Variants in BCAS3 observed in about 807,000 individuals in gnomAD.
The protein encoded by BCAS3 is BCAS4/BCAS3 fusion.
A neutral mutation model predicts 116.1 loss-of-function variants in BCAS3; 53 were observed. The ratio of observed to expected loss-of-function variants is 0.46; its 90% CI spans 0.37 to 0.57. BCAS3 has a LOEUF of 0.57. Among genes scored for constraint, BCAS3 ranks in the 20% least tolerant of loss-of-function variants. BCAS3 has a pLI of 0.00. For missense variants in BCAS3, 917 were observed against 1,165.4 expected, an observed-to-expected ratio of 0.79 and a Z score of 3.10; for synonymous variants, 391 against 408.2, an observed-to-expected ratio of 0.96 and a Z score of 0.51.
Position 61,089,679 on chromosome 17 carries a change from C to T in BCAS3, c.2425+5115C>T, listed in dbSNP as rs544022989. Among the ~76,000 whole-genome samples, 33 of 151,596 alleles carry T rather than the reference C, an allele frequency of 2.2e-4. No individual in the cohort carries two copies. The South Asian group carries it at 5.4e-3, about 25-fold the overall frequency. ...CAAGTAGCTGGAATTAACAGGCACG[C>T]GCCACCACGCCCGGCTAATTTTTTG... On this transcript the variant is annotated intron_variant, in intron 22 of 23. Transcript: ENST00000407086.
chr17:60,679,034 G>GA (rs1288800960), intron 1 of BCAS3, among the ~76,000 whole-genome samples: 1 of 152,096 alleles, frequency 6.6e-6, no homozygotes, highest in Non-Finnish European at 1.5e-5. Flanking sequence ...GACCAGCCTT[G>GA]GCAACATGGT....
At position 60,942,660 on chromosome 17, in the gene BCAS3, G is replaced by A. The variant is rs183224324; in HGVS notation, c.1088-4559G>A. Among the ~76,000 whole-genome samples, 59 of 152,056 alleles carry A rather than the reference G, an allele frequency of 3.9e-4. 1 individual carries two copies. In the East Asian group the frequency reaches 0.011, roughly 29 times the overall value. ...ATAGCCAGGACAGTGGCATCTAGTA[G>A]GATATTTTAATATAGTGACTAGAGC... On this transcript the variant is annotated intron_variant, in intron 13 of 23. Transcript: ENST00000407086.
At chr17:60,693,771 C>T (rs1346960557) in intron 4 of BCAS3, among the ~76,000 whole-genome samples, 1 of 151,184 alleles carries the variant, frequency 6.6e-6, no homozygotes, top group African/African-American at 2.4e-5. Flanking sequence ...TCATGTTCAA[C>T]AGGCCCTTTT....
chr17:60,779,304 A>T (rs915750233), intron 6 of BCAS3, among the ~76,000 whole-genome samples: 4 of 152,162 alleles, frequency 2.6e-5, no homozygotes, highest in African/African-American at 9.7e-5. Context: ...ATTAACAAAA[A>T]TACTGTATCA....
intron 22 of BCAS3, among the ~76,000 whole-genome samples, chr17:61,272,896 T>A (rs2050431755): frequency 6.6e-6 from 1 of 151,646 alleles, no homozygotes; most frequent in South Asian, 2.1e-4. Context: ...CGCTGGGGAG[T>A]CCCTTTGGCT....
intron 14 of BCAS3, among the ~76,000 whole-genome samples, chr17:60,975,268 T>G (rs1568008528): frequency 3.3e-5 from 5 of 152,160 alleles, no homozygotes; most frequent in Admixed American, 2.0e-4. Context: ...CCCAAAGTGC[T>G]GGGATTACAG....
At chr17:60,971,202 G>A (rs964433365) in intron 14 of BCAS3, among the ~76,000 whole-genome samples, 3 of 152,206 alleles carry the variant, frequency 2.0e-5, no homozygotes, top group African/African-American at 7.2e-5. Context: ...TGTAGTCTGC[G>A]AGTGTTTAGT....
rs552830138 is a variant in BCAS3 at position 61,385,585 on chromosome 17, G to C, written c.2594-6392G>C. On this transcript the variant is annotated intron_variant, in intron 23 of 23. Transcript: ENST00000407086. ...CCCATTCAGGAACCCCCAGGCAGAA[G>C]GTACTGAAGCTGTTGGTTGCAAACC... Among the ~76,000 whole-genome samples, 6 of 152,378 alleles carry C rather than the reference G, an allele frequency of 3.9e-5. No homozygotes were observed. In the East Asian group the frequency reaches 9.6e-4, roughly 24 times the overall value.
chr17:61,328,414 G>A (rs1157079009), intron 22 of BCAS3, among the ~76,000 whole-genome samples: 1 of 152,170 alleles, frequency 6.6e-6, no homozygotes, highest in African/African-American at 2.4e-5. Flanking sequence ...CATAGACTAG[G>A]TGGCTTAAAC....
Position 61,181,320 on chromosome 17 carries a change from A to G in BCAS3, c.2425+96756A>G, listed in dbSNP as rs1234894608. Among the ~76,000 whole-genome samples, 2 of 152,216 alleles carry G rather than the reference A, an allele frequency of 1.3e-5. No individual in the cohort carries two copies. The highest frequency in any genetic ancestry group is 2.4e-5 in the African/African-American group (1 of 41,462). On this transcript the variant is annotated intron_variant, in intron 22 of 23. Transcript: ENST00000407086. This position sits in a 1 kb window ranked among gnomAD's most constrained non-coding sequence, Gnocchi z 5.0. ...CCTGAAACTGTGAAGACCTACTGGT[A>G]GTGGTTAAATGTAGGATTTTAATCA... is the stretch of plus-strand genomic sequence containing the variant.
intron 4 of BCAS3, among the ~76,000 whole-genome samples, chr17:60,693,015 C>T (rs1366709860): frequency 2.6e-5 from 4 of 151,920 alleles, no homozygotes; most frequent in East Asian, 3.9e-4. Flanking sequence ...ATCGCTTGAA[C>T]GCAGGAGGTG....
At chr17:60,957,472 C>T (rs916016077) in intron 14 of BCAS3, among the ~76,000 whole-genome samples, 1 of 152,128 alleles carries the variant, frequency 6.6e-6, no homozygotes, top group African/African-American at 2.4e-5. Context: ...CTGTGCATGA[C>T]CCTATCTATA....
intron 6 of BCAS3, among the ~76,000 whole-genome samples, chr17:60,779,862 C>A (rs1598658343): frequency 6.6e-6 from 1 of 152,106 alleles, no homozygotes; most frequent in East Asian, 1.9e-4. Context: ...GAGAAATATT[C>A]TTGGTGCTAT....
intron 23 of BCAS3, among the ~76,000 whole-genome samples, chr17:61,386,785 T>TG (rs2059876116): frequency 7.8e-6 from 1 of 127,774 alleles, no homozygotes; most frequent in South Asian, 2.9e-4. Flanking sequence ...TTTTTTTTGT[T>TG]TTTGTTTTTT....
At chr17:61,119,066 A>T (rs1320782157) in intron 22 of BCAS3, among the ~76,000 whole-genome samples, 1 of 152,200 alleles carries the variant, frequency 6.6e-6, no homozygotes, top group African/African-American at 2.4e-5. Flanking sequence ...CAGTTAAGTG[A>T]TGCGGAAGCC....
At chr17:60,705,527 A>AG (rs1290257342) in intron 4 of BCAS3, among the ~76,000 whole-genome samples, 5 of 151,354 alleles carry the variant, frequency 3.3e-5, no homozygotes, top group East Asian at 3.9e-4. Context: ...AAAAAAAAAA[A>AG]AAAGAAAAGA....
At chr17:60,943,559 A>G (rs1437137467) in intron 13 of BCAS3, among the ~76,000 whole-genome samples, 1 of 152,110 alleles carries the variant, frequency 6.6e-6, no homozygotes, top group African/African-American at 2.4e-5. Context: ...TTGCTCTAAA[A>G]TTTAGGAAGC....
At chr17:61,055,655 A>G (rs1272391732) in intron 19 of BCAS3, among the ~76,000 whole-genome samples, 3 of 152,194 alleles carry the variant, frequency 2.0e-5, no homozygotes, top group East Asian at 1.9e-4. Context: ...ACTGGTATAC[A>G]TTGCAGGTTT....
chr17:61,014,357 A>G (rs2065302360), intron 15 of BCAS3, among the ~76,000 whole-genome samples: 1 of 152,160 alleles, frequency 6.6e-6, no homozygotes, highest in Non-Finnish European at 1.5e-5. Context: ...AAAATGTGGT[A>G]TTGGTGAAAG....
Sources: gnomAD v4.1 joint callset for allele counts (sites outside exome capture counted in the v4.1 genomes callset) on GRCh38, gnomAD v4.1.1 for gene constraint, Gnocchi (gnomAD v3.1) non-coding constraint, MANE v1.5 for transcripts, NCBI Gene and HGNC (gene_info 2026-07-23, HGNC 2026-07-21) for gene names.